Variants in USH2A observed in about 807,000 individuals in gnomAD.
The protein encoded by USH2A is usherin.
USH2A carries 443 observed loss-of-function variants against 538.9 expected under a neutral mutation model. The ratio of observed to expected loss-of-function variants is 0.82; its 90% CI spans 0.76 to 0.89. The LOEUF (loss-of-function observed/expected upper bound fraction) is 0.89. USH2A is among the 40% of genes least tolerant of loss of function. The pLI is 0.00. For synonymous variants in USH2A, 2,413 were observed against 2,273.5 expected (o/e 1.06, Z -1.75); for missense variants, 6,633 against 6,324.8 (o/e 1.05, Z -1.65).
At chr1:215,637,530 C>T (rs1232353069) in intron 69 of USH2A, among the ~76,000 whole-genome samples, 1 of 152,210 alleles carries the variant, frequency 6.6e-6, no homozygotes, top group Non-Finnish European at 1.5e-5. Context: ...TATACCTCCA[C>T]TTGTCCACTT....
intron 61 of USH2A, among the ~76,000 whole-genome samples, chr1:215,708,826 C>T (rs542173516): frequency 1.1e-4 from 16 of 152,096 alleles, no homozygotes; most frequent in African/African-American, 1.9e-4. Flanking sequence ...TACTGGTCTG[C>T]GTCCCCGGGG....
chr1:216,317,628 A>C (rs559216371), intron 9 of USH2A, among the ~76,000 whole-genome samples: 1 of 152,046 alleles, frequency 6.6e-6, no homozygotes, highest in South Asian at 2.1e-4. Flanking sequence ...CAGGTGGAGC[A>C]CTTGAGGTCA....
At chr1:215,719,069 C>T (rs1466384429) in intron 61 of USH2A, among the ~76,000 whole-genome samples, 1 of 152,144 alleles carries the variant, frequency 6.6e-6, no homozygotes, top group Non-Finnish European at 1.5e-5. Context: ...TACTGATAAA[C>T]TACTATTTGG....
chr1:216,260,098 C>A (rs952524023), intron 11 of USH2A, among the ~76,000 whole-genome samples: 2 of 151,842 alleles, frequency 1.3e-5, no homozygotes, highest in African/African-American at 4.8e-5. Context: ...GTGCCTTTTC[C>A]TCTTTTTCTT....
chr1:216,270,947 G>A (rs2036562449), intron 11 of USH2A, among the ~76,000 whole-genome samples: 1 of 152,110 alleles, frequency 6.6e-6, no homozygotes, highest in South Asian at 2.1e-4. Flanking sequence ...GTACACAAAA[G>A]AGGATGCACT....
chr1:216,371,138 C>G (rs758122393), intron 3 of USH2A, among the ~76,000 whole-genome samples: 7 of 152,152 alleles, frequency 4.6e-5, no homozygotes, highest in Non-Finnish European at 1.0e-4. Flanking sequence ...TGATTGAACC[C>G]AAAGGTATCT....
chr1:215,749,158 A>C (rs1202817805), intron 58 of USH2A, among the ~76,000 whole-genome samples: 1 of 152,102 alleles, frequency 6.6e-6, no homozygotes, highest in African/African-American at 2.4e-5. Flanking sequence ...CGTTCCCTCC[A>C]ATTCATCTGA....
At chr1:215,838,153 TACTA>T (rs1663582922) in intron 46 of USH2A, 50 bp from the exon 47 acceptor site, 8 of 1,400,908 alleles carry the variant, frequency 5.7e-6, no homozygotes, top group Non-Finnish European at 7.1e-6. Context: ...TTGAAATACT[TACTA>T]ACAATAGTCT....
intron 21 of USH2A, among the ~76,000 whole-genome samples, chr1:216,116,371 A>G (rs1365797025): frequency 2.0e-5 from 3 of 152,150 alleles, no homozygotes; most frequent in Non-Finnish European, 4.4e-5. Context: ...GGGGGGAAAA[A>G]TAAAATTCCA....
chr1:215,928,887 A>T (rs967796725), intron 38 of USH2A, among the ~76,000 whole-genome samples: 4 of 152,174 alleles, frequency 2.6e-5, no homozygotes, highest in Non-Finnish European at 5.9e-5. Context: ...AAGCTAAAAA[A>T]GTTAGTCATT....
chr1:216,401,069 A>C (rs1371525228), intron 3 of USH2A, among the ~76,000 whole-genome samples: 1 of 152,112 alleles, frequency 6.6e-6, no homozygotes, highest in Non-Finnish European at 1.5e-5. Flanking sequence ...GCTAGATAAT[A>C]TTTCACGGTT....
intron 38 of USH2A, among the ~76,000 whole-genome samples, chr1:215,912,499 ATATATATATATACGTG>A (rs1360076024): frequency 6.0e-4 from 26 of 43,222 alleles, no homozygotes; most frequent in Middle Eastern, 0.011. Flanking sequence ...ATGTGTATAT[ATATATATATATACGTG>A]TATATATATA....
At chr1:216,200,946 GCTTCCC>G (rs1202124240) in intron 16 of USH2A, among the ~76,000 whole-genome samples, 5 of 143,824 alleles carry the variant, frequency 3.5e-5, no homozygotes, top group Admixed American at 1.4e-4. Context: ...ATATTTATGT[GCTTCCC>G]CTTCCCCTTC....
rs578095072 is a variant in USH2A at position 215,863,402 on chromosome 1, G to T, written c.8845+3605C>A. On this transcript the variant is annotated intron_variant, in intron 44 of 71. Transcript: ENST00000307340. The stretch of plus-strand genomic sequence containing the variant: ...GTGCTTTTTAGAAGAGATGAGATTT[G>T]GAATTATTTACAGATATTGCCACCT... 1.3e-4 allele frequency among the ~76,000 whole-genome samples: 20 copies of T among 152,194 alleles called. 1 individual carries two copies. In the South Asian group the frequency reaches 4.1e-3, roughly 32 times the overall value.
chr1:216,305,252 T>C (rs918478624), intron 9 of USH2A, among the ~76,000 whole-genome samples: 1 of 152,162 alleles, frequency 6.6e-6, no homozygotes. Context: ...GGACTAGTCC[T>C]TTTATCATTA....
intron 48 of USH2A, 55 bp downstream of exon 48, chr1:215,816,942 C>T: frequency 1.3e-6 from 2 of 1,560,884 alleles, no homozygotes; most frequent in East Asian, 4.5e-5. Flanking sequence ...AATAATTTCA[C>T]TTGGAGTCTT....
At chr1:215,851,354 T>C (rs1055748917) in intron 44 of USH2A, among the ~76,000 whole-genome samples, 7 of 151,868 alleles carry the variant, frequency 4.6e-5, no homozygotes, top group Non-Finnish European at 8.8e-5. Context: ...CAATTAGAAA[T>C]AAAACAGGAG....
intron 47 of USH2A, among the ~76,000 whole-genome samples, chr1:215,836,455 G>GTATATATATTATATATATATA (rs1558119626): frequency 8.8e-5 from 5 of 56,812 alleles, no homozygotes; most frequent in African/African-American, 3.0e-4. Flanking sequence ...ATGTGTGTGT[G>GTATATATATTATATATATATA]TATATATATT....
At chr1:215,680,685 T>C (rs1658199552) in intron 61 of USH2A, among the ~76,000 whole-genome samples, 1 of 151,468 alleles carries the variant, frequency 6.6e-6, no homozygotes, top group Admixed American at 6.6e-5. Flanking sequence ...AAACAAAACA[T>C]GATGCTTCAG....
Sources: allele counts gnomAD v4.1 joint callset (sites outside exome capture counted in the v4.1 genomes callset), GRCh38; gene constraint gnomAD v4.1.1; transcripts MANE v1.5; gene names NCBI Gene and HGNC (gene_info 2026-07-23, HGNC 2026-07-21).